PPIB: variants seen among roughly 807,000 people sequenced by gnomAD.
PPIB encodes peptidylprolyl isomerase B.
In PPIB, 15 loss-of-function variants were observed where a neutral mutation model predicts 20.1. The observed-to-expected ratio is 0.75, with a 90% confidence interval of 0.50 to 1.15. The LOEUF is 1.15. PPIB is among the 50% of genes most tolerant of loss of function. The pLI, the probability that PPIB is intolerant of heterozygous loss-of-function variation, is 0.00. For missense variants in PPIB, 278 were observed against 283.0 expected (o/e 0.98, Z 0.13); for synonymous variants, 129 against 111.0 (o/e 1.16, Z -1.02).
rs1469396841 is a variant in PPIB, at chr15:64,156,576, C to T, written c.528+149G>A. ...TTAGAACCTTGGAGGCATGGAGGTA[C>T]AGGGTTTATTCTGGACAGGAGCACT... On this transcript the variant is annotated intron_variant, in intron 4 of 4. Transcript: ENST00000300026. This position sits in a 1 kb window ranked among gnomAD's most constrained non-coding sequence, Gnocchi z 6.4. The T allele has an allele frequency of 1.0e-5, 10 of 992,488 alleles. No homozygotes were observed. The East Asian group carries it at 2.1e-4, about 21-fold the overall frequency. 61.5% of individuals were successfully genotyped at this position (992,488 alleles called of 1,614,324 possible).
rs769350679 is a variant in PPIB at position 64,157,416 on chromosome 15, T to A, written c.344-507A>T. The A allele has an allele frequency of 5.7e-5, 10 of 174,470 alleles. No homozygotes were observed. Among genetic ancestry groups the A allele is most frequent in the Non-Finnish European group, 9.9e-5 (8 of 80,540 alleles). The allele number at this position is 174,470 out of a possible 1,614,324, so 10.8% of individuals were successfully genotyped here. On this transcript the variant is annotated intron_variant, in intron 3 of 4. Transcript: ENST00000300026. The surrounding 1 kb of genome is among the most constrained non-coding windows in gnomAD (Gnocchi z 4.2). The stretch of plus-strand genomic sequence containing the variant: ...GGGGCAGAAAAGAGGGGCTGCCCCT[T>A]GGATTCTGGAGAGTCAAAGCCTCTT...
At position 64,159,823 on chromosome 15, in the gene PPIB, G is replaced by C; in HGVS notation, c.343+281C>G. Reference sequence around the variant, plus strand: ...TCTCCCCAATCCCCATTCTGAAGAGGTATCAGGAAAGGTCACCAGGCTATA... The same window carrying C: ...TCTCCCCAATCCCCATTCTGAAGAGCTATCAGGAAAGGTCACCAGGCTATA... On this transcript the variant is annotated intron_variant, in intron 3 of 4. Transcript: ENST00000300026. This position sits in a 1 kb window ranked among gnomAD's most constrained non-coding sequence, Gnocchi z 5.1. 1 of 543,208 alleles carries C rather than the reference G, an allele frequency of 1.8e-6. No individual in the cohort carries two copies. The highest frequency in any genetic ancestry group is 3.1e-5 in the Admixed American group (1 of 32,200). The allele number at this position is 543,208 out of a possible 1,614,324, so 33.6% of individuals were successfully genotyped here. A position where few individuals can be genotyped will look rare whatever the true frequency, so the allele number is the denominator to read the frequency against.
Position 64,159,294 on chromosome 15 carries a change from T to C in PPIB, c.343+810A>G, listed in dbSNP as rs1308196794. The C allele has an allele frequency of 2.6e-5, 4 of 152,472 alleles. No individual in the cohort carries two copies. The highest frequency in any genetic ancestry group is 9.7e-5 in the African/African-American group (4 of 41,418). 9.4% of individuals were successfully genotyped at this position (152,472 alleles called of 1,614,324 possible). A position where few individuals can be genotyped will look rare whatever the true frequency, so the allele number is the denominator to read the frequency against. On this transcript the variant is annotated intron_variant, in intron 3 of 4. Transcript: ENST00000300026. The surrounding 1 kb of genome is among the most constrained non-coding windows in gnomAD (Gnocchi z 5.1). ...GAGCTCAGTGAGACTCATGCAGGCG[T>C]CCGGGGGTCTTTCTGTCCTATGTGT...
chr15:64,155,983 C>A lies in PPIB; in HGVS notation c.*40G>T. On this transcript the variant is annotated 3_prime_UTR_variant, in exon 5 of 5. Coordinates refer to ENST00000300026, the MANE Select transcript of PPIB (RefSeq NM_000942.5). ...CAGAGCCCTGTGGCGGACTACAGGGCCTGCACAGACGGTCACTCAAAGAAA... is the reference window on the plus strand; with the variant it reads ...CAGAGCCCTGTGGCGGACTACAGGGACTGCACAGACGGTCACTCAAAGAAA... 1 of 1,613,850 alleles carries A rather than the reference C, an allele frequency of 6.2e-7. No individual in the cohort carries two copies. The highest frequency in any genetic ancestry group is 1.1e-5 in the South Asian group (1 of 91,070).
chr15:64,156,136 G>A lies in PPIB; in HGVS notation c.538C>T (p.Arg180Trp), dbSNP rs767732148. Residue 180 changes from arginine to tryptophan, a missense_variant, in exon 5 of 5, where the codon CGG (arginine) becomes TGG (tryptophan). Physicochemically the swap from Arg to Trp is moderately radical, Grantham distance 101. Transcript: ENST00000300026. The surrounding 1 kb of genome is among the most constrained non-coding windows in gnomAD (Gnocchi z 6.4). ...GKVLEGMEVV[R>W]KVESTKTDSR... ...TCTGTCTTGGTGCTCTCCACCTTCCGCACCACCTCCTGGAAAAGAAAGGTG... is the reference window on the plus strand; with the variant it reads ...TCTGTCTTGGTGCTCTCCACCTTCCACACCACCTCCTGGAAAAGAAAGGTG... 4.3e-6 allele frequency: 7 copies of A among 1,613,970 alleles called. No homozygotes were observed. Among genetic ancestry groups the A allele is most frequent in the African/African-American group, 1.3e-5 (1 of 74,910 alleles).
chr15:64,156,480 G>A lies in PPIB; in HGVS notation c.528+245C>T, dbSNP rs1448374442. ...AGGGGTGGGACCAGCACGTCACTGA[G>A]TGAAGGAGGGGAGGGAGGCTCTGGC... On this transcript the variant is annotated intron_variant, in intron 4 of 4. Transcript: ENST00000300026. This position sits in a 1 kb window ranked among gnomAD's most constrained non-coding sequence, Gnocchi z 6.4. The A allele has an allele frequency of 8.0e-6, 5 of 628,654 alleles. No homozygotes were observed. The highest frequency in any genetic ancestry group is 1.4e-5 in the Non-Finnish European group (5 of 355,444). 38.9% of individuals were successfully genotyped at this position (628,654 alleles called of 1,614,324 possible). A position where few individuals can be genotyped will look rare whatever the true frequency, so the allele number is the denominator to read the frequency against.
In PPIB at chr15:64,156,035, G is replaced by A. The variant is rs767641975; in HGVS notation, c.639C>T (p.Ile213=). 6.8e-6 allele frequency: 11 copies of A among 1,614,044 alleles called. No homozygotes were observed. The highest frequency in any genetic ancestry group is 1.6e-4 in the Middle Eastern group (1 of 6,084). Residue 213 remains isoleucine (I), a synonymous_variant, in exon 5 of 5, where the codon ATC becomes ATT. Transcript: ENST00000300026. This position sits in a 1 kb window ranked among gnomAD's most constrained non-coding sequence, Gnocchi z 6.4. The stretch of plus-strand genomic sequence containing the variant: ...ATGTCCCTGTGCCCTACTCCTTGGC[G>A]ATGGCAAAGGGCTTCTCCACCTCGA... The part of the protein sequence containing the change: ...GKIEVEKPFA[I]AKE
chr15:64,161,011 A>G lies in PPIB; in HGVS notation c.250-814T>C, dbSNP rs138501770. Among the ~76,000 whole-genome samples the G allele has an allele frequency of 6.5e-4, 98 of 151,866 alleles. 6 individuals are homozygous for G. Among genetic ancestry groups the G allele is most frequent in the African/African-American group, 2.3e-3 (95 of 41,376 alleles). The stretch of plus-strand genomic sequence containing the variant: ...GTTTCCCTCTTGTTGCCCAGGCTAG[A>G]GTGCAGTGGGGCAATCTCGGCTCAC... On this transcript the variant is annotated intron_variant, in intron 2 of 4. Coordinates refer to ENST00000300026, the MANE Select transcript of PPIB (RefSeq NM_000942.5). This position sits in a 1 kb window ranked among gnomAD's most constrained non-coding sequence, Gnocchi z 4.2.
chr15:64,162,131 TC>T lies in PPIB; in HGVS notation c.158del (p.Gly53GlufsTer5). 1.9e-6 allele frequency: 3 copies of T among 1,613,820 alleles called. No individual in the cohort carries two copies. The highest frequency in any genetic ancestry group is 1.1e-5 in the South Asian group (1 of 91,070). On this transcript the variant is annotated frameshift_variant, in exon 2 of 5. Coordinates refer to ENST00000300026, the MANE Select transcript of PPIB (RefSeq NM_000942.5). LOFTEE classifies it high-confidence loss of function. ...AGATCACCCGGCCTACATCTTCATC[TC>T]CAATTCGTAGGTCAAAATACACCTG... ...TVKVYFDLRIGDEDVGRVIFG... is the reference protein window; with the variant it reads ...TVKVYFDLRIXDEDVGRVIFG...
At position 64,160,162 on chromosome 15, in the gene PPIB, A is replaced by G. The variant is rs1397454544; in HGVS notation, c.285T>C (p.Arg95=). Residue 95 remains arginine, a synonymous_variant, in exon 3 of 5, where the codon CGT becomes CGC. Coordinates refer to ENST00000300026, the MANE Select transcript of PPIB (RefSeq NM_000942.5). The surrounding 1 kb of genome is among the most constrained non-coding windows in gnomAD (Gnocchi z 4.8). ...CCTGGATCATGAAGTCCTTGATTAC[A>G]CGATGGAATTTGCTGTTTTTGTAGC... The part of the protein sequence containing the change: ...GFGYKNSKFH[R]VIKDFMIQGG... 2.5e-6 allele frequency: 4 copies of G among 1,614,114 alleles called. No homozygotes were observed. The highest frequency in any genetic ancestry group is 1.7e-5 in the Admixed American group (1 of 60,020).
Position 64,160,325 on chromosome 15 carries a change from AC to A in PPIB, c.250-129del. The A allele has an allele frequency of 1.3e-6, 1 of 780,516 alleles. No homozygotes were observed. Among genetic ancestry groups the A allele is most frequent in the Non-Finnish European group, 2.2e-6 (1 of 446,244 alleles). The allele number at this position is 780,516 out of a possible 1,614,324, so 48.3% of individuals were successfully genotyped here. A position where few individuals can be genotyped will look rare whatever the true frequency, so the allele number is the denominator to read the frequency against. ...AGAGACACCACTGCTGACCACTTTC[AC>A]TGTTCAGTGTGCTACTAAGTGAGCG... On this transcript the variant is annotated intron_variant, in intron 2 of 4. Coordinates refer to ENST00000300026, the MANE Select transcript of PPIB (RefSeq NM_000942.5). This position sits in a 1 kb window ranked among gnomAD's most constrained non-coding sequence, Gnocchi z 4.8.
In PPIB at chr15:64,162,990, C is replaced by CA. The variant is rs1555496444; in HGVS notation, c.-5dup. 277 of 1,612,736 alleles carry CA rather than the reference C, an allele frequency of 1.7e-4. No individual in the cohort carries two copies. The highest frequency in any genetic ancestry group is 2.2e-4 in the Non-Finnish European group (258 of 1,179,676). On this transcript the variant is annotated 5_prime_UTR_variant, in exon 1 of 5. Transcript: ENST00000300026. Reference sequence around the variant, plus strand: ...TGCGTTCGGAGAGGCGCAGCATCCACAGGCGGAGGCGAAAGCAGCCCGGAC... The same window carrying CA: ...TGCGTTCGGAGAGGCGCAGCATCCACAAGGCGGAGGCGAAAGCAGCCCGGAC...
In PPIB at chr15:64,157,034, G is replaced by T; in HGVS notation, c.344-125C>A. On this transcript the variant is annotated intron_variant, in intron 3 of 4. Coordinates refer to ENST00000300026, the MANE Select transcript of PPIB (RefSeq NM_000942.5). This position sits in a 1 kb window ranked among gnomAD's most constrained non-coding sequence, Gnocchi z 4.2. ...AGGCTAGGCTGGAGTGGACTACAAG[G>T]ACATAAAAGCAGCGTCCTTCCTATC... 1 of 1,040,098 alleles carries T rather than the reference G, an allele frequency of 9.6e-7. No individual in the cohort carries two copies. Among genetic ancestry groups the T allele is most frequent in the Non-Finnish European group, 1.4e-6 (1 of 718,046 alleles). 64.4% of individuals were successfully genotyped at this position (1,040,098 alleles called of 1,614,324 possible).
At position 64,162,942 on chromosome 15, in the gene PPIB, G is replaced by T. The variant is rs746610540; in HGVS notation, c.45C>A (p.Ala15=). Residue 15 remains alanine, a synonymous_variant, in exon 1 of 5, where the codon GCC becomes GCA. Coordinates refer to ENST00000300026, the MANE Select transcript of PPIB (RefSeq NM_000942.5). ...SERNMKVLLA[A]ALIAGSVFFL... Reference sequence around the variant, plus strand: ...AGAAGACGGACCCCGCGATGAGGGCGGCGGCAAGGAGCACCTTCATGTTGC... The same window carrying T: ...AGAAGACGGACCCCGCGATGAGGGCTGCGGCAAGGAGCACCTTCATGTTGC... 4 of 1,613,684 alleles carry T rather than the reference G, an allele frequency of 2.5e-6. No homozygotes were observed. The highest frequency in any genetic ancestry group is 3.4e-6 in the Non-Finnish European group (4 of 1,179,900).
Position 64,156,342 on chromosome 15 carries a change from T to C in PPIB, c.529-197A>G. ...AGATTTGACGAGGGGGTACAGGAAT[T>C]TTGTTCCTTTGAAGTAAGACCCAGG... On this transcript the variant is annotated intron_variant, in intron 4 of 4. Coordinates refer to ENST00000300026, the MANE Select transcript of PPIB (RefSeq NM_000942.5). This position sits in a 1 kb window ranked among gnomAD's most constrained non-coding sequence, Gnocchi z 6.4. 1.3e-6 allele frequency: 1 copy of C among 771,258 alleles called. No homozygotes were observed. The allele number at this position is 771,258 out of a possible 1,614,324, so 47.8% of individuals were successfully genotyped here. A position where few individuals can be genotyped will look rare whatever the true frequency, so the allele number is the denominator to read the frequency against.
chr15:64,156,006 A>G lies in PPIB; in HGVS notation c.*17T>C, dbSNP rs770217370. On this transcript the variant is annotated 3_prime_UTR_variant, in exon 5 of 5. Coordinates refer to ENST00000300026, the MANE Select transcript of PPIB (RefSeq NM_000942.5). This position sits in a 1 kb window ranked among gnomAD's most constrained non-coding sequence, Gnocchi z 6.4. ...GGCCTGCACAGACGGTCACTCAAAG[A>G]AAGATGTCCCTGTGCCCTACTCCTT... 5.6e-6 allele frequency: 9 copies of G among 1,614,092 alleles called. No homozygotes were observed. Among genetic ancestry groups the G allele is most frequent in the East Asian group, 4.5e-5 (2 of 44,868 alleles).
chr15:64,158,446 C>T lies in PPIB; in HGVS notation c.344-1537G>A, dbSNP rs572445731. ...AGTTCAGACCAAGGTGGTCTGCTCT[C>T]GAATCTCTGCTCTCAGCCACCTCAG... is the stretch of plus-strand genomic sequence containing the variant. On this transcript the variant is annotated intron_variant, in intron 3 of 4. Transcript: ENST00000300026. The surrounding 1 kb of genome is among the most constrained non-coding windows in gnomAD (Gnocchi z 4.7). Among the ~76,000 whole-genome samples, 12 of 152,326 alleles carry T rather than the reference C, an allele frequency of 7.9e-5. 1 individual carries two copies. The South Asian group carries it at 2.1e-3, about 26-fold the overall frequency.
chr15:64,162,782 G>GAGCCAAGGCCA (rs946544305), intron 1 of PPIB, 70 bp downstream of exon 1: 37 of 1,568,840 alleles, frequency 2.4e-5, no homozygotes, highest in Non-Finnish European at 3.1e-5. Context: ...AGGAGGGGCT[G>GAGCCAAGGCCA]AGCCAAGGCC....
rs905184895 is a variant in PPIB, at chr15:64,160,709, C to T, written c.250-512G>A. On this transcript the variant is annotated intron_variant, in intron 2 of 4. Transcript: ENST00000300026. The surrounding 1 kb of genome is among the most constrained non-coding windows in gnomAD (Gnocchi z 4.8). ...TCACCCAGGCTGGAGTGCAATGGCA[C>T]AATCTCCGCTCACTGCAGCCTCCAC... Among the ~76,000 whole-genome samples the T allele has an allele frequency of 6.6e-6, 1 of 152,130 alleles. No homozygotes were observed. Among genetic ancestry groups the T allele is most frequent in the Non-Finnish European group, 1.5e-5 (1 of 68,014 alleles).
Sources: allele counts gnomAD v4.1 joint callset (sites outside exome capture counted in the v4.1 genomes callset), GRCh38; gene constraint gnomAD v4.1.1; non-coding constraint Gnocchi (gnomAD v3.1); transcripts MANE v1.5; gene names NCBI Gene and HGNC (gene_info 2026-07-23, HGNC 2026-07-21).